DMXL2: variants seen among roughly 807,000 people sequenced by gnomAD.
DMXL2 encodes dmX-like protein 2.
Under a neutral mutation model 331.1 loss-of-function variants are expected in DMXL2, and 103 were observed. The ratio of observed to expected loss-of-function variants is 0.31; its 90% CI spans 0.27 to 0.37. DMXL2 has a LOEUF of 0.37. Ranked by LOEUF, DMXL2 falls within the 10% of genes least tolerant of loss-of-function variation. DMXL2 has a pLI of 1.00. For synonymous variants in DMXL2, 1,281 were observed against 1,252.1 expected (o/e 1.02, Z -0.49); for missense variants, 3,171 against 3,642.9 (o/e 0.87, Z 3.33).
chr15:51,593,744 A>G (rs894544942), intron 1 of DMXL2, among the ~76,000 whole-genome samples: 6 of 152,224 alleles, frequency 3.9e-5, no homozygotes, highest in Admixed American at 1.3e-4. Context: ...TCAAACTAGA[A>G]CTCAGGATTA....
chr15:51,490,447 C>A (rs2140430122), intron 20 of DMXL2, among the ~76,000 whole-genome samples: 1 of 152,278 alleles, frequency 6.6e-6, no homozygotes, highest in African/African-American at 2.4e-5. Context: ...TCATACTTCA[C>A]AAATATAGTA....
At chr15:51,473,327 T>C (rs1226763782) in intron 28 of DMXL2, among the ~76,000 whole-genome samples, 1 of 152,232 alleles carries the variant, frequency 6.6e-6, no homozygotes, top group African/African-American at 2.4e-5. Context: ...AATATTAATA[T>C]GTACTGGCAG....
At chr15:51,565,929 G>A (rs1289667623) in intron 3 of DMXL2, among the ~76,000 whole-genome samples, 2 of 152,052 alleles carry the variant, frequency 1.3e-5, no homozygotes, top group African/African-American at 2.4e-5. Context: ...ACTACCTCAA[G>A]GCAGAATTTT....
At chr15:51,578,928 G>C (rs1168098806) in intron 1 of DMXL2, among the ~76,000 whole-genome samples, 1 of 152,146 alleles carries the variant, frequency 6.6e-6, no homozygotes, top group Non-Finnish European at 1.5e-5. Context: ...AACACAGTGA[G>C]ACTTCATCTC....
In DMXL2 at chr15:51,507,219, A is replaced by T. The variant is rs1567043918; in HGVS notation, c.2679T>A (p.Phe893Leu). 1.2e-6 allele frequency: 2 copies of T among 1,611,236 alleles called. No individual in the cohort carries two copies. The highest frequency in any genetic ancestry group is 1.3e-5 in the African/African-American group (1 of 74,854). The change falls in exon 16 of 44, where the codon TTT becomes TTA. Residue 893 changes from phenylalanine (F) to leucine (L), a missense_variant. By Grantham distance (22) the Phe-to-Leu change is conservative. Around this residue, in one of 7 missense-constraint regions of DMXL2, gnomAD observed 1,674 missense variants for 1,780.2 expected, o/e 0.94. Coordinates refer to ENST00000560891, the MANE Select transcript of DMXL2 (RefSeq NM_001378457.1). ...TGCTGTCCTTCTCAATTACTACTAG[A>T]AAGAACTTTTCTGAAAATGGTGGTG... ...YRPPPFSEKF[F>L]LVVIEKDSNN...
At chr15:51,541,143 C>A (rs1214908024) in intron 9 of DMXL2, among the ~76,000 whole-genome samples, 2 of 151,932 alleles carry the variant, frequency 1.3e-5, no homozygotes, top group Admixed American at 1.3e-4. Flanking sequence ...TCTTAGAATA[C>A]AATTAAGATA....
At chr15:51,613,125 TA>T (rs2054084256) in intron 1 of DMXL2, among the ~76,000 whole-genome samples, 1 of 152,204 alleles carries the variant, frequency 6.6e-6, no homozygotes, top group Non-Finnish European at 1.5e-5. Flanking sequence ...TCATATTGTT[TA>T]AACAATTTGT....
At chr15:51,559,253 C>T (rs2049798493) in intron 6 of DMXL2, among the ~76,000 whole-genome samples, 1 of 152,298 alleles carries the variant, frequency 6.6e-6, no homozygotes, top group South Asian at 2.1e-4. Context: ...TGACAAAAAG[C>T]TCATACCCAT....
intron 15 of DMXL2, among the ~76,000 whole-genome samples, chr15:51,509,888 G>C (rs1245043498): frequency 6.6e-6 from 1 of 152,158 alleles, no homozygotes; most frequent in African/African-American, 2.4e-5. Flanking sequence ...CCTGGGATGA[G>C]AGGCTGGTTC....
chr15:51,591,960 T>C (rs1002868608), intron 1 of DMXL2, among the ~76,000 whole-genome samples: 1 of 151,714 alleles, frequency 6.6e-6, no homozygotes, highest in African/African-American at 2.4e-5. Flanking sequence ...ACCACAAAGA[T>C]GGGGAAAAAA....
intron 1 of DMXL2, among the ~76,000 whole-genome samples, chr15:51,608,899 C>A (rs755134855): frequency 2.0e-5 from 3 of 151,944 alleles, no homozygotes; most frequent in Non-Finnish European, 2.9e-5. Context: ...AAGGAAGAAA[C>A]GAAGAGCAAA....
chr15:51,530,529 A>G (rs1004098739), intron 13 of DMXL2, among the ~76,000 whole-genome samples: 2 of 151,824 alleles, frequency 1.3e-5, no homozygotes, highest in African/African-American at 2.4e-5. Context: ...AGGCGAGCAG[A>G]TCACGAGGTC....
chr15:51,585,634 T>C (rs1397854339), intron 1 of DMXL2, among the ~76,000 whole-genome samples: 1 of 152,152 alleles, frequency 6.6e-6, no homozygotes, highest in Non-Finnish European at 1.5e-5. Flanking sequence ...AACTGCAAAT[T>C]GTCTTCCAAA....
intron 28 of DMXL2, 29 bp from the exon 29 acceptor site, chr15:51,471,430 C>A: frequency 6.5e-7 from 1 of 1,547,596 alleles, no homozygotes; most frequent in Non-Finnish European, 8.8e-7. Context: ...AAAAAAAAAT[C>A]TAGCATTCAT....
intron 1 of DMXL2, among the ~76,000 whole-genome samples, chr15:51,621,832 G>A (rs2054648217): frequency 1.5e-5 from 2 of 135,414 alleles, no homozygotes; most frequent in Non-Finnish European, 3.1e-5. Context: ...AGCTCTCCAA[G>A]CCACTGTGAC....
chr15:51,490,061 A>G (rs1803866300), intron 20 of DMXL2, among the ~76,000 whole-genome samples: 1 of 152,230 alleles, frequency 6.6e-6, no homozygotes, highest in African/African-American at 2.4e-5. Context: ...TGTATCATTT[A>G]TATCCTTTAA....
At chr15:51,531,021 T>G (rs1229404171) in intron 13 of DMXL2, among the ~76,000 whole-genome samples, 1 of 152,144 alleles carries the variant, frequency 6.6e-6, no homozygotes, top group Non-Finnish European at 1.5e-5. Context: ...TTTATAGAAA[T>G]TTTTTAAAGA....
Position 51,499,335 on chromosome 15 carries a change from C to T in DMXL2, c.3889G>A (p.Asp1297Asn). 6.2e-7 allele frequency: 1 copy of T among 1,614,004 alleles called. No individual in the cohort carries two copies. The highest frequency in any genetic ancestry group is 8.5e-7 in the Non-Finnish European group (1 of 1,180,006). ...SSNAEEAAMQ[D>N]HSTFKSNMLA... ...ATATTAGATTTAAAGGTCGAATGATCTTGCATTGCTGCCTCTTCTGCATTA... is the reference window on the plus strand; with the variant it reads ...ATATTAGATTTAAAGGTCGAATGATTTTGCATTGCTGCCTCTTCTGCATTA... Residue 1297 changes from aspartate (D) to asparagine (N), a missense_variant, in exon 18 of 44, where the codon GAT becomes AAT. Coordinates refer to ENST00000560891, the MANE Select transcript of DMXL2 (RefSeq NM_001378457.1).
At chr15:51,512,233 T>C (rs1182114999) in intron 15 of DMXL2, among the ~76,000 whole-genome samples, 1 of 152,070 alleles carries the variant, frequency 6.6e-6, no homozygotes, top group Admixed American at 6.6e-5. Context: ...AACAAGTCAG[T>C]GGCATAATGA....
Sources: allele counts gnomAD v4.1 joint callset (sites outside exome capture counted in the v4.1 genomes callset), GRCh38; gene constraint gnomAD v4.1.1; regional missense constraint gnomAD v4.1.1; transcripts MANE v1.5; gene names NCBI Gene and HGNC (gene_info 2026-07-23, HGNC 2026-07-21).